NTM: variants seen among roughly 807,000 people sequenced by gnomAD.
The protein encoded by NTM is IgLON family member 2.
NTM carries 13 observed loss-of-function variants against 42.1 expected under a neutral mutation model. That is an observed-to-expected ratio of 0.31 (90% CI 0.20 to 0.49). NTM has a LOEUF of 0.49. Among genes scored for constraint, NTM ranks in the 20% least tolerant of loss-of-function variants. The pLI is 0.99. For synonymous variants in NTM, 187 were observed against 179.2 expected (o/e 1.04, Z -0.35); for missense variants, 373 against 452.8 (o/e 0.82, Z 1.60).
chr11:131,640,004 A>T lies in NTM; in HGVS notation c.82+269116A>T, dbSNP rs11222723. Among the ~76,000 whole-genome samples the T allele has an allele frequency of 2.2e-3, 329 of 152,018 alleles. 1 individual carries two copies. The highest frequency in any genetic ancestry group is 3.5e-3 in the Non-Finnish European group (236 of 67,964). ...AATAAAATAAAAATAAATAAATAAAAAAAAAGTGAATGGCCCAATTTCTCT... is the reference window on the plus strand; with the variant it reads ...AATAAAATAAAAATAAATAAATAAATAAAAAGTGAATGGCCCAATTTCTCT... On this transcript the variant is annotated intron_variant, in intron 1 of 8. Coordinates refer to ENST00000683400, the MANE Select transcript of NTM (RefSeq NM_001352005.2).
At chr11:131,807,187 T>A (rs1009437003) in intron 1 of NTM, among the ~76,000 whole-genome samples, 1 of 152,208 alleles carries the variant, frequency 6.6e-6, no homozygotes, top group Admixed American at 6.5e-5. Flanking sequence ...GAATAAAGAC[T>A]GAGAATATGA....
chr11:131,410,360 C>T (rs180876169), intron 1 of NTM, among the ~76,000 whole-genome samples: 1 of 151,812 alleles, frequency 6.6e-6, no homozygotes, highest in East Asian at 1.9e-4. Flanking sequence ...GTGGTGCATA[C>T]CCGTGGTCCC....
At chr11:132,278,677 T>C (rs1208363488) in intron 4 of NTM, among the ~76,000 whole-genome samples, 1 of 152,128 alleles carries the variant, frequency 6.6e-6, no homozygotes, top group African/African-American at 2.4e-5. Context: ...ACATTCTGTC[T>C]TAGCTTCGTA....
intron 1 of NTM, among the ~76,000 whole-genome samples, chr11:131,424,935 G>C (rs926287453): frequency 7.1e-6 from 1 of 141,676 alleles, no homozygotes; most frequent in Admixed American, 7.2e-5. Flanking sequence ...GTTGGAATGC[G>C]GTGGCTCGAT....
intron 1 of NTM, among the ~76,000 whole-genome samples, chr11:131,447,463 G>A (rs934519482): frequency 7.9e-5 from 12 of 152,126 alleles, no homozygotes; most frequent in Admixed American, 2.0e-4. Context: ...CCCTGTGGCC[G>A]TGCAGGCTGG....
At chr11:131,936,770 G>A (rs113661166) in intron 2 of NTM, among the ~76,000 whole-genome samples, 2,456 of 152,180 alleles carry the variant, frequency 0.016, 64 homozygotes, top group African/African-American at 0.054. Flanking sequence ...TCAATGGATG[G>A]AACTGAGGCA....
chr11:132,024,520 A>AT (rs1389554316), intron 2 of NTM, among the ~76,000 whole-genome samples: 1 of 152,004 alleles, frequency 6.6e-6, no homozygotes, highest in African/African-American at 2.4e-5. Flanking sequence ...ATTGTTTTGG[A>AT]TTTTTTTGTT....
chr11:131,635,965 A>G (rs1478846386), intron 1 of NTM, among the ~76,000 whole-genome samples: 1 of 152,224 alleles, frequency 6.6e-6, no homozygotes, highest in African/African-American at 2.4e-5. Context: ...CATGCTGCAC[A>G]GGTCTGTGGC....
At chr11:131,638,243 A>C (rs2064666089) in intron 1 of NTM, among the ~76,000 whole-genome samples, 1 of 152,176 alleles carries the variant, frequency 6.6e-6, no homozygotes, top group Non-Finnish European at 1.5e-5. Context: ...TTTAAGTTTA[A>C]AAAACTTTTA....
chr11:131,823,709 C>A (rs1242842492), intron 1 of NTM, among the ~76,000 whole-genome samples: 1 of 152,188 alleles, frequency 6.6e-6, no homozygotes, highest in Non-Finnish European at 1.5e-5. Flanking sequence ...CTTCTAATTA[C>A]CTCAATGTGC....
At chr11:132,321,215 A>G (rs1228690792) in intron 7 of NTM, among the ~76,000 whole-genome samples, 1 of 152,208 alleles carries the variant, frequency 6.6e-6, no homozygotes, top group Admixed American at 6.5e-5. Flanking sequence ...GCTTCAGACA[A>G]TCAAATTGCT....
chr11:131,901,935 A>G (rs1353687130), intron 1 of NTM, among the ~76,000 whole-genome samples: 2 of 152,244 alleles, frequency 1.3e-5, no homozygotes, highest in Non-Finnish European at 2.9e-5. Context: ...GAAGGAAAGC[A>G]TACCAAAGCT....
chr11:132,140,074 T>C (rs573396954), intron 2 of NTM, among the ~76,000 whole-genome samples: 2 of 152,344 alleles, frequency 1.3e-5, no homozygotes, highest in African/African-American at 4.8e-5. Context: ...ATCTTCTCAT[T>C]AACCCCATGC....
At chr11:131,624,455 C>T (rs549268307) in intron 1 of NTM, among the ~76,000 whole-genome samples, 1 of 152,224 alleles carries the variant, frequency 6.6e-6, no homozygotes, top group African/African-American at 2.4e-5. Flanking sequence ...CAGAGCTAAG[C>T]AAGTGTCTGT....
intron 1 of NTM, among the ~76,000 whole-genome samples, chr11:131,525,007 T>G (rs560588219): frequency 2.2e-3 from 342 of 152,054 alleles, no homozygotes; most frequent in South Asian, 4.8e-3. Flanking sequence ...TGATAAATGT[T>G]TAAGGTGATG....
At chr11:131,691,647 C>T (rs2074749935) in intron 1 of NTM, among the ~76,000 whole-genome samples, 2 of 152,136 alleles carry the variant, frequency 1.3e-5, no homozygotes, top group South Asian at 2.1e-4. Flanking sequence ...AACCCCACAG[C>T]GGGTAAAGAT....
chr11:131,447,560 G>A (rs899297685), intron 1 of NTM, among the ~76,000 whole-genome samples: 4 of 152,202 alleles, frequency 2.6e-5, no homozygotes, highest in African/African-American at 9.6e-5. Context: ...GGGAGAGGGA[G>A]GGAGTGAGAA....
intron 2 of NTM, among the ~76,000 whole-genome samples, chr11:131,992,123 ACCAGTT>A (rs2067133329): frequency 6.6e-6 from 1 of 152,146 alleles, no homozygotes; most frequent in Non-Finnish European, 1.5e-5. Flanking sequence ...AGACAGCAAG[ACCAGTT>A]CCTCCTCTTC....
At chr11:132,117,971 G>A (rs545902177) in intron 2 of NTM, among the ~76,000 whole-genome samples, 29 of 152,332 alleles carry the variant, frequency 1.9e-4, no homozygotes, top group African/African-American at 7.0e-4. Flanking sequence ...AACTTGGGCT[G>A]CCTTGGGACC....
Sources: gnomAD v4.1 joint callset for allele counts (sites outside exome capture counted in the v4.1 genomes callset) on GRCh38, gnomAD v4.1.1 for gene constraint, MANE v1.5 for transcripts, NCBI Gene and HGNC (gene_info 2026-07-23, HGNC 2026-07-21) for gene names.